Variants in NRXN2 observed in about 807,000 individuals in gnomAD.
NRXN2 encodes the protein neurexin 2.
NRXN2 carries 29 observed loss-of-function variants against 128.8 expected under a neutral mutation model. The ratio of observed to expected loss-of-function variants is 0.23; its 90% confidence interval spans 0.17 to 0.31. The LOEUF (loss-of-function observed/expected upper bound fraction) is 0.31, where lower values mean the gene tolerates loss of function less well. Ranked by LOEUF, NRXN2 falls within the 10% of genes least tolerant of loss-of-function variation. The pLI is 1.00. For missense variants in NRXN2, 1,881 were observed against 2,452.6 expected, an observed-to-expected ratio of 0.77 and a Z score of 4.92; for synonymous variants, 1,098 against 1,075.2, an observed-to-expected ratio of 1.02 and a Z score of -0.41.
At chr11:64,674,188 T>TGTTTG in intron 7 of NRXN2, among the ~76,000 whole-genome samples, 1 of 151,764 alleles carries the variant, frequency 6.6e-6, no homozygotes, top group Non-Finnish European at 1.5e-5. Context: ...TTCCTTTTTT[T>TGTTTG]GTTTGTTTTG....
chr11:64,652,194 T>C, intron 12 of NRXN2, 40 bp from the exon 13 acceptor site: 1 of 1,587,592 alleles, frequency 6.3e-7, no homozygotes, highest in Non-Finnish European at 8.5e-7. Flanking sequence ...CACCTATACA[T>C]GCTCATAGGT....
Position 64,648,431 on chromosome 11 carries a change from C to T in NRXN2, c.3284-93G>A, listed in dbSNP as rs59739006. On this transcript the variant is annotated intron_variant, in intron 16 of 22. Coordinates refer to ENST00000265459, the MANE Select transcript of NRXN2 (RefSeq NM_015080.4). The surrounding 1 kb of genome is among the most constrained non-coding windows in gnomAD (Gnocchi z 4.1). ...AAGCTTCAGAGCCAGGCAGAGAGGT[C>T]CTACTCTGAGCTCTGCCTGGCTGAA... The T allele has an allele frequency of 0.14, 225,810 of 1,588,384 alleles. 17,343 individuals are homozygous for T. The highest frequency in any genetic ancestry group is 0.21 in the East Asian group (9,226 of 44,694).
Position 64,622,837 on chromosome 11 carries a change from G to C in NRXN2, c.4089C>G (p.Thr1363=). 6.2e-7 allele frequency: 1 copy of C among 1,612,698 alleles called. No homozygotes were observed. The highest frequency in any genetic ancestry group is 2.2e-5 in the East Asian group (1 of 44,872). The part of the protein sequence containing the change: ...TATTLLADMA[T]TIMETTTTMA... The stretch of plus-strand genomic sequence containing the variant: ...TGGTGGTGGTAGTCTCCATGATGGT[G>C]GTGGCCATGTCAGCCAGCAGGGTGG... The change falls in exon 21 of 23, where the codon ACC becomes ACG. Residue 1363 remains threonine (T), a synonymous_variant. Transcript: ENST00000265459. The surrounding 1 kb of genome is among the most constrained non-coding windows in gnomAD (Gnocchi z 4.3).
chr11:64,699,429 T>TTTTTC (rs1186493560), intron 2 of NRXN2, among the ~76,000 whole-genome samples: 3 of 131,854 alleles, frequency 2.3e-5, no homozygotes, highest in African/African-American at 8.5e-5. Flanking sequence ...AGTTTTCTTT[T>TTTTTC]TTTTTTTTTT....
At chr11:64,647,884 C>A (rs989674386) in intron 17 of NRXN2, among the ~76,000 whole-genome samples, 2 of 152,228 alleles carry the variant, frequency 1.3e-5, no homozygotes, top group African/African-American at 4.8e-5. Flanking sequence ...CAAAACTACA[C>A]AGGACAGCAG....
chr11:64,692,744 G>C (rs1332380743), intron 4 of NRXN2, 103 bp downstream of exon 4: 7 of 1,231,238 alleles, frequency 5.7e-6, no homozygotes, highest in African/African-American at 1.5e-5. Flanking sequence ...AGGACAGGTG[G>C]AGGAGGGGAA....
intron 7 of NRXN2, among the ~76,000 whole-genome samples, chr11:64,670,688 A>G (rs1287060890): frequency 6.6e-6 from 1 of 152,198 alleles, no homozygotes; most frequent in African/African-American, 2.4e-5. Context: ...TCCAGGGGAT[A>G]CAGCACACAG....
chr11:64,637,809 C>T (rs2044986156), intron 17 of NRXN2, among the ~76,000 whole-genome samples: 1 of 152,074 alleles, frequency 6.6e-6, no homozygotes, highest in Non-Finnish European at 1.5e-5. Context: ...TCTTCACTTC[C>T]CACCCCAGAT....
Position 64,713,781 on chromosome 11 carries a change from C to T in NRXN2, c.-82G>A, listed in dbSNP as rs1314912341. ...GCGGGCGCATGGGGCGGGAGGGGGC[C>T]GGGCGCTCCCCGCGCTGAGCGGGGC... On this transcript the variant is annotated 5_prime_UTR_variant, in exon 2 of 23. Transcript: ENST00000265459. The T allele has an allele frequency of 2.5e-6, 2 of 800,412 alleles. No individual in the cohort carries two copies. Among genetic ancestry groups the T allele is most frequent in the African/African-American group, 1.9e-5 (1 of 53,424 alleles). 49.6% of individuals were successfully genotyped at this position (800,412 alleles called of 1,614,324 possible). A position where few individuals can be genotyped will look rare whatever the true frequency, so the allele number is the denominator to read the frequency against.
At chr11:64,662,713 C>G (rs1318567802) in intron 9 of NRXN2, among the ~76,000 whole-genome samples, 1 of 151,846 alleles carries the variant, frequency 6.6e-6, no homozygotes, top group Non-Finnish European at 1.5e-5. Context: ...ACCCGGGAGG[C>G]AGAGCTTGCA....
At position 64,667,187 on chromosome 11, in the gene NRXN2, G is replaced by A; in HGVS notation, c.1798+63C>T. 1 of 1,527,704 alleles carries A rather than the reference G, an allele frequency of 6.5e-7. No individual in the cohort carries two copies. Among genetic ancestry groups the A allele is most frequent in the African/African-American group, 1.4e-5 (1 of 73,346 alleles). The allele number at this position is 1,527,704 out of a possible 1,614,324, so 94.6% of individuals were successfully genotyped here. A position where few individuals can be genotyped will look rare whatever the true frequency, so the allele number is the denominator to read the frequency against. On this transcript the variant is annotated intron_variant, in intron 9 of 22. Transcript: ENST00000265459. This position sits in a 1 kb window ranked among gnomAD's most constrained non-coding sequence, Gnocchi z 5.6. ...GAGACCCGCTGAAGAGAGACGGAGA[G>A]GATGTCAGGGCAGATGGAAAGGGGT...
At position 64,690,925 on chromosome 11, in the gene NRXN2, G is replaced by C. The variant is rs148530199; in HGVS notation, c.779-449C>G. Among the ~76,000 whole-genome samples, 251 of 152,218 alleles carry C rather than the reference G, an allele frequency of 1.6e-3. 1 individual carries two copies. The highest frequency in any genetic ancestry group is 2.8e-3 in the Non-Finnish European group (191 of 68,016). ...GCTCACACCCTTTATGCTGGGTTAAGTTCACACTTCCCAACTCGTTCAAAA... is the reference window on the plus strand; with the variant it reads ...GCTCACACCCTTTATGCTGGGTTAACTTCACACTTCCCAACTCGTTCAAAA... On this transcript the variant is annotated intron_variant, in intron 4 of 22. Coordinates refer to ENST00000265459, the MANE Select transcript of NRXN2 (RefSeq NM_015080.4).
At position 64,607,945 on chromosome 11, in the gene NRXN2, G is replaced by A. The variant is rs942171289; in HGVS notation, c.4390C>T (p.Pro1464Ser). The A allele has an allele frequency of 6.5e-7, 1 of 1,544,832 alleles. No individual in the cohort carries two copies. Among genetic ancestry groups the A allele is most frequent in the Non-Finnish European group, 8.7e-7 (1 of 1,146,648 alleles). ...GGCGGGCGGCGCGCGGCGGGCGGGG[G>A]CAGCGTGTCTTGGGTGGCGCCCACT... ...TGVGATQDTL[P>S]PPAARRPPSG... Residue 1464 changes from proline to serine, a missense_variant, in exon 23 of 23, where the codon CCC becomes TCC. Physicochemically the swap from Pro to Ser is moderately conservative, Grantham distance 74. Coordinates refer to ENST00000265459, the MANE Select transcript of NRXN2 (RefSeq NM_015080.4).
At chr11:64,619,238 C>T (rs1324116954) in intron 22 of NRXN2, among the ~76,000 whole-genome samples, 3 of 152,062 alleles carry the variant, frequency 2.0e-5, no homozygotes, top group Non-Finnish European at 4.4e-5. Flanking sequence ...GCAGCCCAAG[C>T]GAGAAACGTG....
At chr11:64,696,528 T>TACACACACACAC (rs58158687) in intron 3 of NRXN2, among the ~76,000 whole-genome samples, 1,644 of 138,834 alleles carry the variant, frequency 0.012, 28 homozygotes, top group South Asian at 0.02. Context: ...CATACATACA[T>TACACACACACAC]ACACACACAC....
intron 7 of NRXN2, among the ~76,000 whole-genome samples, chr11:64,669,920 T>C (rs984046962): frequency 2.6e-5 from 4 of 152,114 alleles, no homozygotes; most frequent in Non-Finnish European, 5.9e-5. Context: ...AGTCTAGAGA[T>C]TGGGGCCTTC....
intron 22 of NRXN2, among the ~76,000 whole-genome samples, chr11:64,618,057 T>C (rs1304292304): frequency 6.6e-6 from 1 of 152,116 alleles, no homozygotes; most frequent in East Asian, 1.9e-4. Context: ...TTGGCCCTTT[T>C]CCCAAGAGGG....
chr11:64,718,613 T>C (rs971041234), intron 1 of NRXN2, among the ~76,000 whole-genome samples: 2 of 152,032 alleles, frequency 1.3e-5, no homozygotes, highest in Non-Finnish European at 2.9e-5. Flanking sequence ...TGTGGGGGTG[T>C]TCGAGGTGAG....
intron 3 of NRXN2, among the ~76,000 whole-genome samples, 180 bp from the exon 4 acceptor site, chr11:64,693,056 C>A (rs1474001188): frequency 2.0e-5 from 3 of 151,798 alleles, no homozygotes; most frequent in African/African-American, 7.3e-5. Flanking sequence ...CGGGGGGAGC[C>A]CCAGCCCAGG....
Sources: gnomAD v4.1 joint callset for allele counts (sites outside exome capture counted in the v4.1 genomes callset) on GRCh38, gnomAD v4.1.1 for gene constraint, Gnocchi (gnomAD v3.1) non-coding constraint, MANE v1.5 for transcripts, NCBI Gene and HGNC (gene_info 2026-07-23, HGNC 2026-07-21) for gene names.